SYNPR: variants seen among roughly 807,000 people sequenced by gnomAD.
The protein encoded by SYNPR is synaptoporin.
Under a neutral mutation model 32.9 loss-of-function variants are expected in SYNPR, and 23 were observed. The ratio of observed to expected loss-of-function variants is 0.70; its 90% confidence interval spans 0.50 to 0.99. SYNPR has a LOEUF of 0.99. Among genes scored for constraint, SYNPR ranks in the 50% least tolerant of loss-of-function variants. The pLI, the probability that SYNPR is intolerant of heterozygous loss-of-function variation, is 0.00. For missense variants in SYNPR, 318 were observed against 349.3 expected (o/e 0.91, Z 0.71); for synonymous variants, 146 against 135.9 (o/e 1.07, Z -0.52).
At chr3:63,322,364 T>C (rs1203879137) in intron 2 of SYNPR, among the ~76,000 whole-genome samples, 1 of 152,002 alleles carries the variant, frequency 6.6e-6, no homozygotes, top group Non-Finnish European at 1.5e-5. Flanking sequence ...TAATCTCCCA[T>C]AGATGTTCAT....
chr3:63,259,244 C>A (rs2086416382), intron 2 of SYNPR, among the ~76,000 whole-genome samples: 1 of 152,152 alleles, frequency 6.6e-6, no homozygotes. Context: ...CATCCTGATA[C>A]CAAAGCATGG....
At chr3:63,211,859 C>CA in the SYNPR span, among the ~76,000 whole-genome samples, 2 of 112,776 alleles carry the variant, frequency 1.8e-5, no homozygotes, top group Non-Finnish European at 3.6e-5. Flanking sequence ...TCCCTCCCCC[C>CA]TCCCCCGACC....
intron 2 of SYNPR, among the ~76,000 whole-genome samples, chr3:63,413,828 T>C (rs921492933): frequency 6.6e-6 from 1 of 152,032 alleles, no homozygotes; most frequent in African/African-American, 2.4e-5. Context: ...TGTGAAAGGC[T>C]CCACTGCCCT....
At chr3:63,549,222 T>G (rs1437004581) in intron 3 of SYNPR, among the ~76,000 whole-genome samples, 1 of 152,216 alleles carries the variant, frequency 6.6e-6, no homozygotes, top group Non-Finnish European at 1.5e-5. Flanking sequence ...CAATGCCTAA[T>G]TCACATACTT....
At chr3:63,236,417 G>C (rs1049758138) in intron 1 of SYNPR, among the ~76,000 whole-genome samples, 2 of 151,982 alleles carry the variant, frequency 1.3e-5, no homozygotes, top group African/African-American at 4.8e-5. Flanking sequence ...CAAAAACCTT[G>C]CTGGGATTGT....
chr3:63,247,801 G>C (rs1412482470), intron 1 of SYNPR, among the ~76,000 whole-genome samples: 1 of 152,050 alleles, frequency 6.6e-6, no homozygotes, highest in African/African-American at 2.4e-5. Context: ...TGAGGTGAAG[G>C]GTCAGAACAC....
chr3:63,409,696 G>A (rs1333659175), intron 2 of SYNPR, among the ~76,000 whole-genome samples: 1 of 152,152 alleles, frequency 6.6e-6, no homozygotes, highest in East Asian at 1.9e-4. Context: ...AACCCTATGA[G>A]GTAGATGTTA....
At chr3:63,464,325 G>C (rs1364036192) in intron 2 of SYNPR, among the ~76,000 whole-genome samples, 5 of 152,170 alleles carry the variant, frequency 3.3e-5, no homozygotes, top group African/African-American at 1.2e-4. Context: ...GGGTTGCAGA[G>C]ATGAACAAAG....
intron 2 of SYNPR, among the ~76,000 whole-genome samples, chr3:63,447,978 T>C (rs547868796): frequency 6.8e-6 from 1 of 146,390 alleles, no homozygotes; most frequent in East Asian, 2.4e-4. Context: ...CCAGGGGACT[T>C]ATTTAGCCTT....
intron 2 of SYNPR, among the ~76,000 whole-genome samples, chr3:63,311,501 G>A (rs1055491610): frequency 6.6e-6 from 1 of 151,952 alleles, no homozygotes; most frequent in Non-Finnish European, 1.5e-5. Flanking sequence ...TGCAAGTGAG[G>A]GATCTAGGTT....
At position 63,268,389 on chromosome 3, in the gene SYNPR, AC is replaced by A. The variant is rs566297073; in HGVS notation, n.287+946del. ...AATAACATGTGGGTTAGGAGTATTG[AC>A]CCCCCACCAAAACTCATGTATGACT... is the stretch of plus-strand genomic sequence containing the variant. On this transcript the variant is annotated intron_variant and non_coding_transcript_variant, in intron 3 of 4. Transcript: ENST00000478456. Among the ~76,000 whole-genome samples, 118 of 152,018 alleles carry A rather than the reference AC, an allele frequency of 7.8e-4. 1 individual carries two copies. Among genetic ancestry groups the A allele is most frequent in the Non-Finnish European group, 7.2e-4 (49 of 67,954 alleles).
chr3:63,389,879 A>G (rs1181337808), intron 2 of SYNPR, among the ~76,000 whole-genome samples: 1 of 152,228 alleles, frequency 6.6e-6, no homozygotes, highest in African/African-American at 2.4e-5. Flanking sequence ...TTGTGAGGAT[A>G]GTTGTTAATG....
At chr3:63,280,740 G>A (rs1234174549) in intron 2 of SYNPR, among the ~76,000 whole-genome samples, 1 of 152,008 alleles carries the variant, frequency 6.6e-6, no homozygotes, top group Non-Finnish European at 1.5e-5. Context: ...GTGTGTGTGT[G>A]TGTGTGCACA....
intron 2 of SYNPR, among the ~76,000 whole-genome samples, chr3:63,260,662 C>G (rs985097824): frequency 1.3e-5 from 2 of 151,470 alleles, no homozygotes; most frequent in African/African-American, 2.4e-5. Context: ...TAGGCATGGG[C>G]AAAGACTTCA....
intron 3 of SYNPR, among the ~76,000 whole-genome samples, chr3:63,501,283 T>C (rs1701472892): frequency 6.6e-6 from 1 of 151,994 alleles, no homozygotes; most frequent in African/African-American, 2.4e-5. Context: ...GTTGGAGACC[T>C]GCCTGGGCAA....
rs79997165 is a variant in SYNPR, at chr3:63,471,649, G to A, written c.85-9183G>A. On this transcript the variant is annotated intron_variant, in intron 2 of 5. Coordinates refer to ENST00000478300, the MANE Select transcript of SYNPR (RefSeq NM_001130003.2). Reference sequence around the variant, plus strand: ...GCCGCAGTTAACAAAACCTTTCTGCGCTGGAAAATATCCTGACAGTACATA... The same window carrying A: ...GCCGCAGTTAACAAAACCTTTCTGCACTGGAAAATATCCTGACAGTACATA... 8.5e-3 allele frequency among the ~76,000 whole-genome samples: 1,295 copies of A among 152,290 alleles called. 54 individuals carry two copies. The East Asian group carries it at 0.13, about 15-fold the overall frequency.
At chr3:63,563,817 A>G (rs1702735810) in intron 4 of SYNPR, among the ~76,000 whole-genome samples, 2 of 152,154 alleles carry the variant, frequency 1.3e-5, no homozygotes, top group Non-Finnish European at 2.9e-5. Flanking sequence ...GAGGAGGTGC[A>G]TAATCTTGCC....
chr3:63,422,471 G>A (rs928563931), intron 2 of SYNPR, among the ~76,000 whole-genome samples: 1 of 152,146 alleles, frequency 6.6e-6, no homozygotes, highest in African/African-American at 2.4e-5. Flanking sequence ...AAACTTAGAG[G>A]TGACGGAAAT....
chr3:63,535,618 A>G (rs1482711474), intron 3 of SYNPR, among the ~76,000 whole-genome samples: 1 of 152,158 alleles, frequency 6.6e-6, no homozygotes, highest in Non-Finnish European at 1.5e-5. Flanking sequence ...TAGTCCATAA[A>G]TAAAACTTTA....
Sources: gnomAD v4.1 joint callset for allele counts (sites outside exome capture counted in the v4.1 genomes callset) on GRCh38, gnomAD v4.1.1 for gene constraint, MANE v1.5 for transcripts, NCBI Gene and HGNC (gene_info 2026-07-23, HGNC 2026-07-21) for gene names.